The following NCAM2 variants were observed in gnomAD, a reference collection of about 807,000 sequenced individuals.
NCAM2 encodes the protein neural cell adhesion molecule 2.
NCAM2 carries 30 observed loss-of-function variants against 98.1 expected under a neutral mutation model. The observed-to-expected ratio is 0.31, with a 90% CI of 0.23 to 0.41. The LOEUF (loss-of-function observed/expected upper bound fraction) is 0.41. Ranked by LOEUF, NCAM2 falls within the 10% of genes least tolerant of loss-of-function variation. The probability of loss-of-function intolerance (pLI) is 1.00; values close to 1 mark genes in which losing one functional copy is unlikely to be tolerated. For synonymous variants in NCAM2, 368 were observed against 342.4 expected (o/e 1.07, Z -0.83); for missense variants, 867 against 1,005.8 (o/e 0.86, Z 1.87).
intron 11 of NCAM2, 80 bp downstream of exon 11, chr21:21,418,649 T>A (rs1031607781): frequency 6.9e-6 from 7 of 1,015,622 alleles, no homozygotes; most frequent in Non-Finnish European, 1.1e-5. Context: ...TAAAGTGGTC[T>A]CATTTACATG....
At chr21:21,040,806 A>T (rs774800044) in intron 1 of NCAM2, among the ~76,000 whole-genome samples, 1 of 152,156 alleles carries the variant, frequency 6.6e-6, no homozygotes, top group South Asian at 2.1e-4. Context: ...AAGTTGGCTA[A>T]TGGCTACAAA....
intron 5 of NCAM2, among the ~76,000 whole-genome samples, chr21:21,297,360 A>G (rs1313896262): frequency 1.3e-5 from 2 of 151,706 alleles, no homozygotes; most frequent in Non-Finnish European, 3.0e-5. Context: ...AAAAAATTTT[A>G]CTTGCTTATA....
rs183615280 is a variant in NCAM2 at position 21,076,587 on chromosome 21, C to G, written c.55+77969C>G. Among the ~76,000 whole-genome samples, 10 of 152,232 alleles carry G rather than the reference C, an allele frequency of 6.6e-5. No homozygotes were observed. In the East Asian group the frequency reaches 1.9e-3, roughly 29 times the overall value. ...TTAAAACTGGGTCAGTCTATTTGAT[C>G]TCACTTTTCTTATTTCCTAACAGTT... On this transcript the variant is annotated intron_variant, in intron 1 of 17. Transcript: ENST00000400546.
intron 13 of NCAM2, among the ~76,000 whole-genome samples, chr21:21,467,427 T>TA (rs200143825): frequency 0.5 from 68,571 of 138,242 alleles, 17,179 homozygotes; most frequent in Non-Finnish European, 0.54. Flanking sequence ...TATATATCTT[T>TA]TTATATATAT....
At chr21:21,318,564 T>C (rs1005248225) in intron 5 of NCAM2, among the ~76,000 whole-genome samples, 5 of 152,218 alleles carry the variant, frequency 3.3e-5, no homozygotes, top group Non-Finnish European at 5.9e-5. Flanking sequence ...TCATTTATAC[T>C]TCTCTGATTA....
rs1013967889 is a variant in NCAM2 at position 21,187,621 on chromosome 21, G to T, written c.56-92957G>T. On this transcript the variant is annotated intron_variant, in intron 1 of 17. Transcript: ENST00000400546. ...ATTTTAAAGGAACAGTTAAATAAAT[G>T]ATTTGGAATTAAATAGAACTATGAC... Among the ~76,000 whole-genome samples, 3 of 152,272 alleles carry T rather than the reference G, an allele frequency of 2.0e-5. No individual in the cohort carries two copies. In the East Asian group the frequency reaches 5.8e-4, roughly 29 times the overall value.
chr21:21,241,227 C>T (rs2071053830), intron 1 of NCAM2, among the ~76,000 whole-genome samples: 1 of 151,846 alleles, frequency 6.6e-6, no homozygotes, highest in Non-Finnish European at 1.5e-5. Context: ...AAAAAAATGG[C>T]TTTTTAAAAA....
intron 1 of NCAM2, among the ~76,000 whole-genome samples, chr21:21,253,691 G>A (rs1601774796): frequency 6.6e-6 from 1 of 152,138 alleles, no homozygotes; most frequent in African/African-American, 2.4e-5. Flanking sequence ...AACATACTAA[G>A]ACATTATTTG....
chr21:21,238,012 G>T lies in NCAM2; in HGVS notation c.56-42566G>T, dbSNP rs958015239. ...GCTCTGTCGCCCAGGCTGGAGTGCAGTGGTGCAGTCTCGGTTCACTGCAAC... is the reference window on the plus strand; with the variant it reads ...GCTCTGTCGCCCAGGCTGGAGTGCATTGGTGCAGTCTCGGTTCACTGCAAC... On this transcript the variant is annotated intron_variant, in intron 1 of 17. Coordinates refer to ENST00000400546, the MANE Select transcript of NCAM2 (RefSeq NM_004540.5). Among the ~76,000 whole-genome samples the T allele has an allele frequency of 1.5e-4, 20 of 137,430 alleles. No homozygotes were observed. The Admixed American group carries it at 1.5e-3, about 10-fold the overall frequency. 90.2% of individuals were successfully genotyped at this position (137,430 alleles called of 152,430 possible). A position where few individuals can be genotyped will look rare whatever the true frequency, so the allele number is the denominator to read the frequency against.
intron 16 of NCAM2, among the ~76,000 whole-genome samples, chr21:21,524,673 T>A (rs1443755973): frequency 2.0e-5 from 3 of 152,136 alleles, no homozygotes; most frequent in African/African-American, 7.2e-5. Context: ...ACTATATATG[T>A]CATCTGTAGA....
At chr21:21,109,470 A>T (rs1332095509) in intron 1 of NCAM2, among the ~76,000 whole-genome samples, 3 of 152,124 alleles carry the variant, frequency 2.0e-5, no homozygotes, top group Admixed American at 6.6e-5. Flanking sequence ...TTTTTGCTTC[A>T]TGTGGCAAAT....
chr21:21,106,749 G>A (rs112635243), intron 1 of NCAM2, among the ~76,000 whole-genome samples: 1 of 151,828 alleles, frequency 6.6e-6, no homozygotes, highest in East Asian at 1.9e-4. Context: ...ATGTAGGAAA[G>A]AAAAAAGAAT....
At chr21:21,339,370 A>T (rs943148150) in intron 8 of NCAM2, among the ~76,000 whole-genome samples, 4 of 152,026 alleles carry the variant, frequency 2.6e-5, no homozygotes, top group African/African-American at 9.7e-5. Flanking sequence ...AATTAATGAA[A>T]CATTACTATA....
intron 1 of NCAM2, among the ~76,000 whole-genome samples, chr21:21,266,599 T>C (rs1421210956): frequency 6.6e-6 from 1 of 152,002 alleles, no homozygotes; most frequent in Admixed American, 6.6e-5. Context: ...GAAACCATCA[T>C]TCTCAGCAAA....
At chr21:20,999,676 TAATA>T (rs1264990924) in intron 1 of NCAM2, among the ~76,000 whole-genome samples, 5 of 152,224 alleles carry the variant, frequency 3.3e-5, no homozygotes, top group African/African-American at 1.2e-4. Flanking sequence ...TAAAATAATA[TAATA>T]AATTACAAGA....
chr21:21,418,566 G>T lies in NCAM2; in HGVS notation c.1477G>T (p.Ala493Ser). The change falls in exon 11 of 18, where the codon GCT becomes TCT. Residue 493 changes from alanine to serine, a missense_variant. This residue lies in a region of NCAM2 where 234 missense variants were observed against 333.8 expected (regional missense o/e 0.70). Coordinates refer to ENST00000400546, the MANE Select transcript of NCAM2 (RefSeq NM_004540.5). ...ATTTCAAGAATATATTCTTGCTTTG[G>T]CTGGTAAGTATAGCACAATAATTTT... ...TRFQEYILAL[A>S]DVPSSPYGVK... 1 of 1,596,380 alleles carries T rather than the reference G, an allele frequency of 6.3e-7. No homozygotes were observed. The highest frequency in any genetic ancestry group is 8.6e-7 in the Non-Finnish European group (1 of 1,164,148).
chr21:21,241,195 T>C (rs1017745562), intron 1 of NCAM2, among the ~76,000 whole-genome samples: 8 of 152,124 alleles, frequency 5.3e-5, no homozygotes, highest in Non-Finnish European at 1.0e-4. Context: ...ATTTAGAATG[T>C]CAAGAAAAGA....
intron 9 of NCAM2, among the ~76,000 whole-genome samples, chr21:21,392,910 CT>C (rs1460346092): frequency 6.6e-6 from 1 of 152,100 alleles, no homozygotes; most frequent in East Asian, 1.9e-4. Context: ...TTTTATTACT[CT>C]GTTGATAGTT....
intron 1 of NCAM2, among the ~76,000 whole-genome samples, chr21:21,258,728 C>T (rs1487725495): frequency 6.6e-6 from 1 of 152,076 alleles, no homozygotes; most frequent in Non-Finnish European, 1.5e-5. Context: ...CCACTGCCCT[C>T]CCCAGGGAAC....
Sources: gnomAD v4.1 joint callset for allele counts (sites outside exome capture counted in the v4.1 genomes callset) on GRCh38, gnomAD v4.1.1 for gene constraint, gnomAD v4.1.1 regional missense constraint, MANE v1.5 for transcripts, NCBI Gene and HGNC (gene_info 2026-07-23, HGNC 2026-07-21) for gene names.